The following XCR1 variants were observed in gnomAD, a reference collection of about 807,000 sequenced individuals.
XCR1 encodes the protein X-C motif chemokine receptor 1, also known as chemokine XC receptor 1.
For synonymous variants in XCR1, 187 were observed against 188.5 expected (o/e 0.99, Z 0.06); for missense variants, 356 against 424.2 (o/e 0.84, Z 1.41).
chr3:46,059,555 A>G (rs1697922524), intron 4 of XCR1, among the ~76,000 whole-genome samples: 1 of 152,146 alleles, frequency 6.6e-6, no homozygotes, highest in South Asian at 2.1e-4. Context: ...TTAGTTCCCA[A>G]TTTCTAATTT....
rs929053089 is a variant in XCR1 at position 46,021,474 on chromosome 3, G to C, written c.474C>G (p.Ile158Met). 2 of 1,613,984 alleles carry C rather than the reference G, an allele frequency of 1.2e-6. No homozygotes were observed. The highest frequency in any genetic ancestry group is 1.7e-6 in the Non-Finnish European group (2 of 1,179,920). ...AGATGGTGTCGAGGATGGAGGACAGGATGCTGGCTACCCACACAGCCATGG... is the reference window on the plus strand; with the variant it reads ...AGATGGTGTCGAGGATGGAGGACAGCATGCTGGCTACCCACACAGCCATGG... Reference protein sequence around the residue: ...LVTMAVWVASILSSILDTIFH... With the variant: ...LVTMAVWVASMLSSILDTIFH... Residue 158 changes from isoleucine (I) to methionine (M), a missense_variant, in exon 2 of 2, where the codon ATC (isoleucine) becomes ATG (methionine). Physicochemically the swap from Ile to Met is conservative, Grantham distance 10. Coordinates refer to ENST00000309285, the MANE Select transcript of XCR1 (RefSeq NM_001024644.2). The surrounding 1 kb of genome is among the most constrained non-coding windows in gnomAD (Gnocchi z 4.7).
At chr3:46,082,654 C>G (rs1698395551) in intron 1 of XCR1, among the ~76,000 whole-genome samples, 3 of 128,080 alleles carry the variant, frequency 2.3e-5, no homozygotes, top group South Asian at 5.2e-4. Context: ...CCACACCCAG[C>G]TAATTAAAAA....
upstream of XCR1, among the ~76,000 whole-genome samples, chr3:46,029,611 T>C (rs1056797716): frequency 6.6e-6 from 1 of 152,186 alleles, no homozygotes; most frequent in African/African-American, 2.4e-5. Flanking sequence ...CCTCACATCA[T>C]ATACAAAAAT....
intron 5 of XCR1, among the ~76,000 whole-genome samples, chr3:46,050,309 C>G (rs929573913): frequency 6.6e-6 from 1 of 152,196 alleles, no homozygotes; most frequent in Admixed American, 6.5e-5. Context: ...AGCAGCAATA[C>G]TTAACATCGG....
chr3:46,048,447 G>A (rs1439842836), intron 5 of XCR1, among the ~76,000 whole-genome samples: 2 of 152,080 alleles, frequency 1.3e-5, no homozygotes, highest in East Asian at 1.9e-4. Flanking sequence ...CCCAGGTTAC[G>A]GGGGTTGATG....
intron 4 of XCR1, among the ~76,000 whole-genome samples, chr3:46,055,143 A>T (rs1697830999): frequency 6.6e-6 from 1 of 152,242 alleles, no homozygotes; most frequent in Non-Finnish European, 1.5e-5. Context: ...ACAGAAATAC[A>T]TATAATGAAG....
chr3:46,052,492 G>T (rs144863789), intron 5 of XCR1, among the ~76,000 whole-genome samples: 1 of 152,202 alleles, frequency 6.6e-6, no homozygotes, highest in African/African-American at 2.4e-5. Flanking sequence ...GCACTGCATT[G>T]TAAGATCCTT....
intron 4 of XCR1, among the ~76,000 whole-genome samples, chr3:46,059,100 C>G (rs1180747704): frequency 2.6e-5 from 4 of 152,170 alleles, no homozygotes; most frequent in Non-Finnish European, 5.9e-5. Context: ...AAATATGAGA[C>G]AGGCCCGAGC....
intron 5 of XCR1, among the ~76,000 whole-genome samples, chr3:46,040,877 T>C (rs1700294946): frequency 6.6e-6 from 1 of 152,190 alleles, no homozygotes; most frequent in African/African-American, 2.4e-5. Context: ...AAGGCTGATG[T>C]GTTCATAAAG....
chr3:46,023,449 C>A, intron 1 of XCR1: 2 of 1,507,232 alleles, frequency 1.3e-6, no homozygotes, highest in Non-Finnish European at 1.8e-6. Context: ...ACAATCTGAG[C>A]AGGCTCGTCT....
chr3:46,079,907 G>T (rs1698328134), intron 1 of XCR1, among the ~76,000 whole-genome samples: 1 of 152,102 alleles, frequency 6.6e-6, no homozygotes, highest in Non-Finnish European at 1.5e-5. Flanking sequence ...TCCCTCAGAG[G>T]ATTTGGAAAA....
chr3:46,084,725 A>T (rs1025413557), intron 1 of XCR1, among the ~76,000 whole-genome samples: 2 of 152,220 alleles, frequency 1.3e-5, no homozygotes, highest in African/African-American at 4.8e-5. Context: ...ACACGCTTAT[A>T]AGCAAGAGCT....
chr3:46,038,024 T>C lies in XCR1; in HGVS notation c.-32+15896A>G, dbSNP rs71327012. On this transcript the variant is annotated intron_variant, in intron 5 of 5. Coordinates refer to the XCR1 transcript ENST00000683768. ...AATATATGTTGTGTGCACGGGTTTG[T>C]TTTTTGTTTTTTTTTTTTTTTGAGA... is the stretch of plus-strand genomic sequence containing the variant. Among the ~76,000 whole-genome samples the C allele has an allele frequency of 3.7e-5, 4 of 107,340 alleles. No homozygotes were observed. In the East Asian group the frequency reaches 1.2e-3, roughly 33 times the overall value. 70.4% of individuals were successfully genotyped at this position (107,340 alleles called of 152,430 possible).
At chr3:46,057,031 A>T (rs1417931914) in intron 4 of XCR1, among the ~76,000 whole-genome samples, 1 of 152,236 alleles carries the variant, frequency 6.6e-6, no homozygotes, top group Non-Finnish European at 1.5e-5. Flanking sequence ...CATTAAAAAG[A>T]AACAGATTCA....
chr3:46,067,977 A>G (rs1157338250), intron 3 of XCR1, among the ~76,000 whole-genome samples: 2 of 152,212 alleles, frequency 1.3e-5, no homozygotes, highest in Admixed American at 1.3e-4. Context: ...AGAATTTGAA[A>G]TTAGTGTTGA....
chr3:46,057,361 A>T (rs1697871331), intron 4 of XCR1, among the ~76,000 whole-genome samples: 1 of 152,198 alleles, frequency 6.6e-6, no homozygotes, highest in Admixed American at 6.5e-5. Context: ...TGAGGGAAAG[A>T]TGGATTATAA....
chr3:46,026,005 T>C (rs1043675558), intron 1 of XCR1, among the ~76,000 whole-genome samples: 3 of 152,142 alleles, frequency 2.0e-5, no homozygotes, highest in African/African-American at 7.2e-5. Flanking sequence ...CCCAGAAATA[T>C]GAGATTGTTT....
Position 46,018,520 on chromosome 3 carries a change from T to A in XCR1, c.*2426A>T, listed in dbSNP as rs1040252858. The A allele has an allele frequency of 2.0e-5, 3 of 152,232 alleles. No individual in the cohort carries two copies. Among genetic ancestry groups the A allele is most frequent in the Admixed American group, 6.5e-5 (1 of 15,290 alleles). The allele number at this position is 152,232 out of a possible 1,614,324, so 9.4% of individuals were successfully genotyped here. A position where few individuals can be genotyped will look rare whatever the true frequency, so the allele number is the denominator to read the frequency against. On this transcript the variant is annotated 3_prime_UTR_variant, in exon 2 of 2. Transcript: ENST00000309285. ...TACCACAAACTACCTCATTATCTCT[T>A]CCTTATGCTGTTTCTCCCATCGGTG...
chr3:46,023,804 A>G (rs1708223091), intron 1 of XCR1: 3 of 1,536,914 alleles, frequency 2.0e-6, no homozygotes. Context: ...ATTATAGAGG[A>G]ATAGGCAACC....
Sources: gnomAD v4.1 joint callset for allele counts (sites outside exome capture counted in the v4.1 genomes callset) on GRCh38, gnomAD v4.1.1 for gene constraint, Gnocchi (gnomAD v3.1) non-coding constraint, MANE v1.5 for transcripts, NCBI Gene and HGNC (gene_info 2026-07-23, HGNC 2026-07-21) for gene names.